GON4L: variants seen among roughly 807,000 people sequenced by gnomAD.
GON4L encodes GON-4-like protein.
In GON4L, 87 loss-of-function variants were observed where a neutral mutation model predicts 211.8. The observed-to-expected ratio is 0.41, with a 90% CI of 0.35 to 0.49. The LOEUF is 0.49. GON4L is among the 20% of genes least tolerant of loss of function. The pLI is 0.15. For missense variants in GON4L, 2,155 were observed against 2,659.5 expected (o/e 0.81, Z 4.17); for synonymous variants, 875 against 962.6 (o/e 0.91, Z 1.68).
chr1:155,776,639 T>C (rs1663852020), intron 15 of GON4L, among the ~76,000 whole-genome samples, 158 bp from the exon 16 acceptor site: 1 of 152,080 alleles, frequency 6.6e-6, no homozygotes, highest in East Asian at 1.9e-4. Context: ...CCCTCTCAAC[T>C]TCCTGTGCTC....
chr1:155,767,247 A>G (rs1323573491), intron 20 of GON4L, 178 bp downstream of exon 20: 5 of 1,405,906 alleles, frequency 3.6e-6, no homozygotes, highest in Non-Finnish European at 4.8e-6. Flanking sequence ...TATTTTGAAA[A>G]TGCTGTAGAA....
At chr1:155,754,346 A>C in intron 28 of GON4L, 29 bp downstream of exon 28, 9 of 1,280,356 alleles carry the variant, frequency 7.0e-6, no homozygotes, top group Non-Finnish European at 9.1e-6. Context: ...CAGCTCTGAT[A>C]CCCTCGGGAC....
At chr1:155,770,203 C>A (rs968593510) in intron 19 of GON4L, among the ~76,000 whole-genome samples, 4 of 152,022 alleles carry the variant, frequency 2.6e-5, no homozygotes, top group South Asian at 4.2e-4. Context: ...CAGAGTAAGA[C>A]CCTTTCTCAA....
chr1:155,773,308 CT>C, intron 17 of GON4L, 98 bp from the exon 18 acceptor site: 1 of 1,364,572 alleles, frequency 7.3e-7, no homozygotes. Context: ...AGGAGCTATC[CT>C]TACCTAACTT....
intron 19 of GON4L, 39 bp downstream of exon 19, chr1:155,771,018 GGGTACATATT>G: frequency 1.9e-6 from 3 of 1,610,496 alleles, no homozygotes; most frequent in Non-Finnish European, 2.5e-6. Context: ...ATAAAAGAAT[GGGTACATATT>G]GGTGAGGTGC....
intron 6 of GON4L, among the ~76,000 whole-genome samples, chr1:155,816,621 G>A (rs1332538331): frequency 6.6e-6 from 1 of 151,932 alleles, no homozygotes; most frequent in Non-Finnish European, 1.5e-5. Flanking sequence ...AAGATATTTT[G>A]GTTACAGTAG....
rs767148062 is a variant in GON4L at position 155,771,047 on chromosome 1, C to T, written c.2646+20G>A. On this transcript the variant is annotated intron_variant, in intron 19 of 31. Transcript: ENST00000368331. ...ACATATTGGTGAGGTGCCCGGATGG[C>T]GCATGCAGGAAACACTCACTTTAAT... is the stretch of plus-strand genomic sequence containing the variant. The T allele has an allele frequency of 6.2e-6, 10 of 1,613,848 alleles. No individual in the cohort carries two copies. The highest frequency in any genetic ancestry group is 1.6e-4 in the Middle Eastern group (1 of 6,080).
Position 155,751,805 on chromosome 1 carries a change from T to C in GON4L, c.6538A>G (p.Ile2180Val), listed in dbSNP as rs1223004342. The change falls in exon 31 of 32, where the codon ATC (isoleucine) becomes GTC (valine). Residue 2180 changes from isoleucine (I) to valine (V), a missense_variant. Physicochemically the swap from Ile to Val is conservative, Grantham distance 29. Transcript: ENST00000368331. Reference sequence around the variant, plus strand: ...TTATTTCCCAGCTGCTGGGAGATGATGTTGAAGGTCTGTGGCTGTGCCCCT... The same window carrying C: ...TTATTTCCCAGCTGCTGGGAGATGACGTTGAAGGTCTGTGGCTGTGCCCCT... ...EQGAQPQTFN[I>V]ISQQLGNKTP... 6 of 1,613,846 alleles carry C rather than the reference T, an allele frequency of 3.7e-6. No individual in the cohort carries two copies. Among genetic ancestry groups the C allele is most frequent in the Non-Finnish European group, 5.1e-6 (6 of 1,179,780 alleles).
downstream of GON4L, among the ~76,000 whole-genome samples, chr1:155,745,507 C>G (rs370193372): frequency 2.0e-5 from 3 of 152,334 alleles, no homozygotes; most frequent in African/African-American, 7.2e-5. Context: ...AAGGGAAGTA[C>G]GAGGCAGAGC....
chr1:155,814,286 T>C, intron 9 of GON4L, 44 bp downstream of exon 9: 1 of 1,560,512 alleles, frequency 6.4e-7, no homozygotes, highest in Non-Finnish European at 8.8e-7. Flanking sequence ...AAAATCTACT[T>C]AGACAGTTAT....
intron 27 of GON4L, among the ~76,000 whole-genome samples, chr1:155,756,277 G>T (rs548447265): frequency 3.9e-5 from 6 of 152,184 alleles, no homozygotes; most frequent in African/African-American, 1.4e-4. Context: ...GGGAATCTTG[G>T]TTCTATTTTA....
intron 23 of GON4L, among the ~76,000 whole-genome samples, chr1:155,761,764 G>A (rs1456507370): frequency 1.3e-5 from 2 of 152,122 alleles, no homozygotes; most frequent in South Asian, 4.1e-4. Flanking sequence ...CAAAGTGCTG[G>A]GATTATAGGT....
At chr1:155,848,093 C>A (rs997071230) in intron 2 of GON4L, among the ~76,000 whole-genome samples, 2 of 151,456 alleles carry the variant, frequency 1.3e-5, no homozygotes, top group African/African-American at 4.9e-5. Context: ...GAATAGCTAT[C>A]TATTCACAAG....
At chr1:155,843,154 A>G (rs569271778) in intron 2 of GON4L, among the ~76,000 whole-genome samples, 5 of 152,186 alleles carry the variant, frequency 3.3e-5, no homozygotes, top group Admixed American at 1.3e-4. Flanking sequence ...TATAGGGACC[A>G]CCCTAAAGCC....
intron 6 of GON4L, among the ~76,000 whole-genome samples, chr1:155,820,350 T>G (rs560486743): frequency 4.6e-5 from 7 of 152,186 alleles, no homozygotes; most frequent in Non-Finnish European, 1.0e-4. Context: ...GAAAAACTGG[T>G]CTCACCTATT....
chr1:155,748,516 C>T (rs1660343745), downstream of GON4L: 2 of 1,613,724 alleles, frequency 1.2e-6, no homozygotes, highest in Admixed American at 1.7e-5. Context: ...ACATGCTGAG[C>T]TTCTGTGGGA....
At chr1:155,849,675 A>T (rs1460660072) in intron 2 of GON4L, among the ~76,000 whole-genome samples, 2 of 149,432 alleles carry the variant, frequency 1.3e-5, no homozygotes, top group Admixed American at 1.4e-4. Flanking sequence ...TCGGGAGGCT[A>T]CGGCAGGAGA....
Position 155,763,330 on chromosome 1 carries a change from T to C in GON4L, c.4708A>G (p.Thr1570Ala). 1 of 1,613,878 alleles carries C rather than the reference T, an allele frequency of 6.2e-7. No homozygotes were observed. The highest frequency in any genetic ancestry group is 1.7e-4 in the Middle Eastern group (1 of 6,058). Reference sequence around the variant, plus strand: ...AGCTCACCTGGTGGAGTTCTGCTGGTCTCCACTTCTGGAGCAGTCTCAGGT... The same window carrying C: ...AGCTCACCTGGTGGAGTTCTGCTGGCCTCCACTTCTGGAGCAGTCTCAGGT... Reference protein sequence around the residue: ...ASPETAPEVETSRTPPGESIK... With the variant: ...ASPETAPEVEASRTPPGESIK... The change falls in exon 22 of 32, where the codon ACC (threonine) becomes GCC (alanine). Residue 1570 changes from threonine (T) to alanine (A), a missense_variant. Around this residue, in one of 6 missense-constraint regions of GON4L, gnomAD observed 455 missense variants for 504.6 expected, o/e 0.90. Transcript: ENST00000368331.
rs145830965 is a variant in GON4L at position 155,775,119 on chromosome 1, G to T, written c.2233C>A (p.Pro745Thr). The change falls in exon 17 of 32, where the codon CCC becomes ACC. Residue 745 changes from proline (P) to threonine (T), a missense_variant. Pro to Thr is a conservative substitution (Grantham distance 38). Coordinates refer to ENST00000368331, the MANE Select transcript of GON4L (RefSeq NM_001282860.2). ...GGTTGGAACAGGGTCTGAAACTTGG[G>T]GTTGTACTGATGGTGAAGGGCGATG... is the stretch of plus-strand genomic sequence containing the variant. ...SSIALHHQYN[P>T]KFQTLFQPCN... The T allele has an allele frequency of 4.5e-4, 720 of 1,614,078 alleles. 4 individuals are homozygous for T. In the Middle Eastern group the frequency reaches 8.6e-3, roughly 19 times the overall value.
Sources: gnomAD v4.1 joint callset for allele counts (sites outside exome capture counted in the v4.1 genomes callset) on GRCh38, gnomAD v4.1.1 for gene constraint, gnomAD v4.1.1 regional missense constraint, MANE v1.5 for transcripts, NCBI Gene and HGNC (gene_info 2026-07-23, HGNC 2026-07-21) for gene names.